ERC2: variants seen among roughly 807,000 people sequenced by gnomAD.
ERC2 encodes the protein ERC protein 2.
Under a neutral mutation model 114.8 loss-of-function variants are expected in ERC2, and 42 were observed. That is an observed-to-expected ratio of 0.37 (90% confidence interval 0.29 to 0.47). The LOEUF is 0.47. Ranked by LOEUF, ERC2 falls within the 20% of genes least tolerant of loss-of-function variation. ERC2 has a pLI of 0.99. For synonymous variants in ERC2, 454 were observed against 425.5 expected (o/e 1.07, Z -0.82); for missense variants, 939 against 1,150.7 (o/e 0.82, Z 2.66).
At chr3:56,135,992 T>C (rs2080480768) in intron 6 of ERC2, among the ~76,000 whole-genome samples, 1 of 152,234 alleles carries the variant, frequency 6.6e-6, no homozygotes, top group African/African-American at 2.4e-5. Flanking sequence ...TAAAATGTTA[T>C]GTTAAGAGCT....
chr3:56,335,497 A>C (rs2057808587), intron 2 of ERC2, among the ~76,000 whole-genome samples: 1 of 152,156 alleles, frequency 6.6e-6, no homozygotes, highest in Non-Finnish European at 1.5e-5. Context: ...ATAAGTAGCA[A>C]CTCCAGTGTG....
intron 3 of ERC2, among the ~76,000 whole-genome samples, chr3:56,260,955 T>G (rs1314094460): frequency 6.6e-6 from 1 of 152,214 alleles, no homozygotes; most frequent in Non-Finnish European, 1.5e-5. Context: ...TCCACTCTAT[T>G]GGTATTCTCG....
chr3:55,911,222 A>T (rs934023207), intron 13 of ERC2, among the ~76,000 whole-genome samples: 1 of 152,216 alleles, frequency 6.6e-6, no homozygotes, highest in African/African-American at 2.4e-5. Flanking sequence ...GACGTGGCCC[A>T]ATGGGAAATA....
intron 14 of ERC2, among the ~76,000 whole-genome samples, chr3:55,825,971 AAAGG>A (rs2060309996): frequency 6.6e-6 from 1 of 151,580 alleles, no homozygotes; most frequent in Admixed American, 6.6e-5. Flanking sequence ...AAGGAAGGAG[AAAGG>A]AAGGAAGGAA....
chr3:55,927,961 G>C (rs1339760721), intron 13 of ERC2, among the ~76,000 whole-genome samples: 1 of 152,140 alleles, frequency 6.6e-6, no homozygotes, highest in African/African-American at 2.4e-5. Context: ...TGGCTGAATG[G>C]TACTCCATTG....
intron 7 of ERC2, among the ~76,000 whole-genome samples, chr3:56,047,218 T>C (rs1037326285): frequency 1.3e-5 from 2 of 152,224 alleles, no homozygotes; most frequent in African/African-American, 2.4e-5. Context: ...CCACATGTAA[T>C]TTTGGAATCT....
rs75489602 is a variant in ERC2, at chr3:55,866,541, A to G, written c.2564+21848T>C. 3.5e-3 allele frequency among the ~76,000 whole-genome samples: 538 copies of G among 151,638 alleles called. 2 individuals are homozygous for G. Among genetic ancestry groups the G allele is most frequent in the African/African-American group, 8.1e-3 (336 of 41,512 alleles). ...GCCATATCTAAAGCAGCTTTATATA[A>G]CCCAAGTTCACCAAGATTTATGCTG... On this transcript the variant is annotated intron_variant, in intron 14 of 17. Transcript: ENST00000288221.
At position 56,076,455 on chromosome 3, in the gene ERC2, A is replaced by G. The variant is rs752456166; in HGVS notation, c.1641+4362T>C. Among the ~76,000 whole-genome samples, 12 of 152,142 alleles carry G rather than the reference A, an allele frequency of 7.9e-5. No homozygotes were observed. In the South Asian group the frequency reaches 1.9e-3, roughly 24 times the overall value. ...TTATGACATTTCCTACAAAAACTCAATAGTCAGGTAGCACTTCATCAGTTA... is the reference window on the plus strand; with the variant it reads ...TTATGACATTTCCTACAAAAACTCAGTAGTCAGGTAGCACTTCATCAGTTA... On this transcript the variant is annotated intron_variant, in intron 7 of 17. Transcript: ENST00000288221.
At chr3:55,837,912 C>T (rs1357265510) in intron 14 of ERC2, among the ~76,000 whole-genome samples, 1 of 151,666 alleles carries the variant, frequency 6.6e-6, no homozygotes, top group Non-Finnish European at 1.5e-5. Context: ...AAAAAAGCTG[C>T]AGTGGCTACA....
chr3:55,951,911 C>T (rs1159295174), intron 12 of ERC2, among the ~76,000 whole-genome samples: 1 of 151,826 alleles, frequency 6.6e-6, no homozygotes, highest in Admixed American at 6.6e-5. Context: ...AAATTATGTA[C>T]CCCCCTACTC....
chr3:56,277,291 C>A (rs1335831617), intron 3 of ERC2, among the ~76,000 whole-genome samples: 3 of 152,154 alleles, frequency 2.0e-5, no homozygotes, highest in African/African-American at 7.2e-5. Flanking sequence ...TATCATCAGA[C>A]CCTCCTCACT....
intron 17 of ERC2, among the ~76,000 whole-genome samples, chr3:55,620,641 A>G (rs2059289972): frequency 6.6e-6 from 1 of 152,152 alleles, no homozygotes; most frequent in Non-Finnish European, 1.5e-5. Context: ...GAGACTTTAC[A>G]AGGCCAATAA....
intron 14 of ERC2, among the ~76,000 whole-genome samples, chr3:55,859,863 T>C (rs1053019074): frequency 2.0e-5 from 3 of 152,034 alleles, no homozygotes; most frequent in Non-Finnish European, 4.4e-5. Flanking sequence ...ACCAGGGGGA[T>C]GACACTGTGC....
intron 7 of ERC2, among the ~76,000 whole-genome samples, chr3:56,064,436 T>C (rs1400683249): frequency 6.6e-6 from 1 of 152,130 alleles, no homozygotes; most frequent in African/African-American, 2.4e-5. Context: ...AGAATTTAAC[T>C]TCTTATTTTA....
At chr3:56,294,304 G>C (rs2055287576) in intron 3 of ERC2, among the ~76,000 whole-genome samples, 2 of 152,264 alleles carry the variant, frequency 1.3e-5, no homozygotes, top group South Asian at 4.1e-4. Context: ...GTTTCTGTGT[G>C]TCAGGAATCA....
chr3:55,859,108 G>A (rs575752744), intron 14 of ERC2, among the ~76,000 whole-genome samples: 9 of 152,090 alleles, frequency 5.9e-5, no homozygotes, highest in East Asian at 1.9e-4. Context: ...CTCCAATAGC[G>A]TCCAGCTCTC....
At chr3:55,597,349 G>A (rs1252096550) in intron 17 of ERC2, among the ~76,000 whole-genome samples, 1 of 151,758 alleles carries the variant, frequency 6.6e-6, no homozygotes, top group African/African-American at 2.4e-5. Flanking sequence ...GAACCCAGGA[G>A]GTGGAGCTTG....
intron 2 of ERC2, among the ~76,000 whole-genome samples, chr3:56,405,798 C>T (rs2060696519): frequency 6.6e-6 from 1 of 151,276 alleles, no homozygotes; most frequent in South Asian, 2.1e-4. Context: ...CAATATTTAA[C>T]ATAGAACAAT....
At chr3:56,165,167 T>C (rs979976535) in intron 4 of ERC2, among the ~76,000 whole-genome samples, 1 of 151,880 alleles carries the variant, frequency 6.6e-6, no homozygotes, top group Non-Finnish European at 1.5e-5. Context: ...TTTTCCCTCC[T>C]CTTCTTCAAA....
Sources: allele counts gnomAD v4.1 joint callset (sites outside exome capture counted in the v4.1 genomes callset), GRCh38; gene constraint gnomAD v4.1.1; transcripts MANE v1.5; gene names NCBI Gene and HGNC (gene_info 2026-07-23, HGNC 2026-07-21).